Variants in INO80 observed in about 807,000 individuals in gnomAD.
INO80 encodes INO80 complex ATPase subunit, also known as chromatin-remodeling ATPase INO80.
Under a neutral mutation model 203.4 loss-of-function variants are expected in INO80, and 20 were observed. That is an observed-to-expected ratio of 0.10 (90% CI 0.07 to 0.14). The LOEUF (loss-of-function observed/expected upper bound fraction) is 0.14. INO80 is among the 10% of genes least tolerant of loss of function. The pLI is 1.00. For missense variants in INO80, 1,419 were observed against 1,914.4 expected (o/e 0.74, Z 4.83); for synonymous variants, 726 against 685.2 (o/e 1.06, Z -0.93).
chr15:41,092,486 T>C (rs1432634149), intron 4 of INO80, among the ~76,000 whole-genome samples: 1 of 151,914 alleles, frequency 6.6e-6, no homozygotes, highest in Non-Finnish European at 1.5e-5. Flanking sequence ...AAACTATACA[T>C]ACATGCCAAA....
chr15:41,010,147 T>C lies in INO80; in HGVS notation c.3403-4460A>G, dbSNP rs951263428. 2.6e-5 allele frequency among the ~76,000 whole-genome samples: 4 copies of C among 152,074 alleles called. 1 individual carries two copies. In the South Asian group the frequency reaches 8.3e-4, roughly 31 times the overall value. On this transcript the variant is annotated intron_variant, in intron 27 of 35. Transcript: ENST00000648947. ...TAAAAAGTAGGACTTACAGATCACA[T>C]CCACACACCACATCAGTGGCATGCA... is the stretch of plus-strand genomic sequence containing the variant.
At chr15:41,006,928 C>A (rs1240089849) in intron 27 of INO80, among the ~76,000 whole-genome samples, 1 of 152,034 alleles carries the variant, frequency 6.6e-6, no homozygotes, top group Non-Finnish European at 1.5e-5. Flanking sequence ...TATCGTAGGA[C>A]TGAACTAATG....
At position 40,983,805 on chromosome 15, in the gene INO80, G is replaced by A; in HGVS notation, c.4194C>T (p.Asn1398=). The change falls in exon 34 of 36, where the codon AAC becomes AAT. Residue 1398 remains asparagine (N), a synonymous_variant. Transcript: ENST00000648947. ...CGGAGCCTGTTATGGATGCGGGAGAGTTGGTAGCTCGAGACTGAGGGGCTG... is the reference window on the plus strand; with the variant it reads ...CGGAGCCTGTTATGGATGCGGGAGAATTGGTAGCTCGAGACTGAGGGGCTG... The part of the protein sequence containing the change: ...ASSAPQSRAT[N]SPASITGSVS... The A allele has an allele frequency of 6.2e-7, 1 of 1,612,716 alleles. No individual in the cohort carries two copies. The highest frequency in any genetic ancestry group is 8.5e-7 in the Non-Finnish European group (1 of 1,180,026).
intron 1 of INO80, among the ~76,000 whole-genome samples, chr15:41,100,396 C>T (rs1372197297): frequency 6.6e-6 from 1 of 152,112 alleles, no homozygotes; most frequent in Non-Finnish European, 1.5e-5. Context: ...ATTTTCAAAA[C>T]TTATTCCTCA....
At position 40,982,980 on chromosome 15, in the gene INO80, C is replaced by T. The variant is rs750978121; in HGVS notation, c.4335G>A (p.Gly1445=). 6.2e-7 allele frequency: 1 copy of T among 1,614,204 alleles called. No homozygotes were observed. ...CCGTGGACTTTCGGCTCCGGCCCTT[C>T]CCTGCTCCTTTGGCTGTGCTTCCTG... ...KGSGSTAKGA[G]KGRSRKSTAG... is the part of the protein sequence containing the mutation. The change falls in exon 35 of 36, where the codon GGG becomes GGA. Residue 1445 remains glycine (G), a synonymous_variant. Transcript: ENST00000648947.
At chr15:41,078,513 A>G (rs2045438790) in intron 9 of INO80, among the ~76,000 whole-genome samples, 1 of 152,202 alleles carries the variant, frequency 6.6e-6, no homozygotes, top group African/African-American at 2.4e-5. Flanking sequence ...CTTGCATGCA[A>G]ATATACGAAT....
At chr15:41,102,314 G>A (rs1229912970) in intron 1 of INO80, among the ~76,000 whole-genome samples, 1 of 152,026 alleles carries the variant, frequency 6.6e-6, no homozygotes, top group African/African-American at 2.4e-5. Flanking sequence ...TTACAATTAG[G>A]GCATCATACT....
chr15:41,010,489 G>A (rs2927062), intron 27 of INO80, among the ~76,000 whole-genome samples: 68,610 of 151,414 alleles, frequency 0.45, 17,508 homozygotes, highest in East Asian at 0.7. Context: ...CAGATGTTAA[G>A]GTCCCTAAAG....
chr15:41,002,306 G>A (rs1172360304), intron 28 of INO80, among the ~76,000 whole-genome samples: 1 of 152,178 alleles, frequency 6.6e-6, no homozygotes, highest in African/African-American at 2.4e-5. Flanking sequence ...ATTTAATGGT[G>A]AAAATGCCAC....
At chr15:41,057,449 T>C (rs1037816615) in intron 16 of INO80, among the ~76,000 whole-genome samples, 2 of 134,266 alleles carry the variant, frequency 1.5e-5, no homozygotes, top group African/African-American at 5.8e-5. Context: ...AGCAAGACCC[T>C]ATCCCCTGTC....
intron 24 of INO80, among the ~76,000 whole-genome samples, chr15:41,039,426 A>G (rs1322205573): frequency 1.3e-5 from 2 of 152,232 alleles, no homozygotes; most frequent in African/African-American, 4.8e-5. Flanking sequence ...GTGTGTTTTT[A>G]AGCATGAGTG....
chr15:41,059,548 G>C (rs193062752), intron 15 of INO80, among the ~76,000 whole-genome samples: 25 of 150,794 alleles, frequency 1.7e-4, no homozygotes, highest in Non-Finnish European at 3.2e-4. Context: ...CTTGTAGTTT[G>C]GGTGGCTGAG....
chr15:41,006,952 G>A (rs1355331643), intron 27 of INO80, among the ~76,000 whole-genome samples: 1 of 152,048 alleles, frequency 6.6e-6, no homozygotes, highest in Non-Finnish European at 1.5e-5. Context: ...GAAGGGTAGG[G>A]GGCGTTTTGG....
At chr15:41,060,515 C>A (rs1288664092) in intron 14 of INO80, among the ~76,000 whole-genome samples, 2 of 151,354 alleles carry the variant, frequency 1.3e-5, no homozygotes, top group Non-Finnish European at 2.9e-5. Context: ...GATGGCGCCA[C>A]TGCACTCCAG....
chr15:41,083,526 C>T (rs563881430), intron 7 of INO80, among the ~76,000 whole-genome samples: 29 of 151,462 alleles, frequency 1.9e-4, no homozygotes, highest in Middle Eastern at 3.4e-3. Flanking sequence ...ACCAACATGG[C>T]GAAACCTCGT....
At position 40,980,036 on chromosome 15, in the gene INO80, G is replaced by C; in HGVS notation, c.*187C>G. The C allele has an allele frequency of 1.7e-6, 1 of 604,694 alleles. No homozygotes were observed. The highest frequency in any genetic ancestry group is 2.0e-5 in the South Asian group (1 of 51,138). The allele number at this position is 604,694 out of a possible 1,614,324, so 37.5% of individuals were successfully genotyped here. A position where few individuals can be genotyped will look rare whatever the true frequency, so the allele number is the denominator to read the frequency against. ...TGGCCTTCCTCCTACAGGCACCCCA[G>C]ATGCTCCTGATGAGACACAGATGAT... On this transcript the variant is annotated 3_prime_UTR_variant, in exon 36 of 36. Coordinates refer to ENST00000648947, the MANE Select transcript of INO80 (RefSeq NM_017553.3).
chr15:40,984,782 G>A (rs141228889), intron 32 of INO80, among the ~76,000 whole-genome samples: 1 of 152,378 alleles, frequency 6.6e-6, no homozygotes, highest in African/African-American at 2.4e-5. Context: ...TATTGAGGCT[G>A]ACTGAATGCA....
intron 29 of INO80, among the ~76,000 whole-genome samples, chr15:40,994,702 GTCTCC>G (rs1228654057): frequency 6.6e-6 from 1 of 151,866 alleles, no homozygotes; most frequent in African/African-American, 2.4e-5. Flanking sequence ...TTTATGCTTT[GTCTCC>G]TCTCCTGCCA....
chr15:40,979,977 C>G lies in INO80; in HGVS notation c.*246G>C. On this transcript the variant is annotated 3_prime_UTR_variant, in exon 36 of 36. Coordinates refer to ENST00000648947, the MANE Select transcript of INO80 (RefSeq NM_017553.3). ...AGGTTTAAGACTTGGCTATACAGTT[C>G]ACTTGAGATGCAGTGGGGCTGATCC... is the stretch of plus-strand genomic sequence containing the variant. The G allele has an allele frequency of 1.8e-6, 1 of 548,114 alleles. No homozygotes were observed. Among genetic ancestry groups the G allele is most frequent in the Non-Finnish European group, 3.3e-6 (1 of 304,170 alleles). 34.0% of individuals were successfully genotyped at this position (548,114 alleles called of 1,614,324 possible).
Sources: allele counts gnomAD v4.1 joint callset (sites outside exome capture counted in the v4.1 genomes callset), GRCh38; gene constraint gnomAD v4.1.1; transcripts MANE v1.5; gene names NCBI Gene and HGNC (gene_info 2026-07-23, HGNC 2026-07-21).